The following PSMD3 variants were observed in gnomAD, a reference collection of about 807,000 sequenced individuals.
The protein encoded by PSMD3 is proteasome 26S subunit, non-ATPase 3, also known as 26S proteasome non-ATPase regulatory subunit 3.
In PSMD3, 5 loss-of-function variants were observed where a neutral mutation model predicts 62.8. The observed-to-expected ratio is 0.08, with a 90% CI of 0.04 to 0.17. The LOEUF is 0.17. PSMD3 is among the 10% of genes least tolerant of loss of function. The pLI is 1.00. For missense variants in PSMD3, 524 were observed against 713.6 expected, an observed-to-expected ratio of 0.73 and a Z score of 3.03; for synonymous variants, 265 against 283.9, an observed-to-expected ratio of 0.93 and a Z score of 0.67.
At chr17:39,987,155 C>T (rs1385889009) in intron 3 of PSMD3, among the ~76,000 whole-genome samples, 5 of 152,146 alleles carry the variant, frequency 3.3e-5, no homozygotes, top group African/African-American at 7.2e-5. Context: ...AGTAAGCTTT[C>T]GTGATATTTT....
chr17:39,981,337 C>T, intron 1 of PSMD3, 147 bp downstream of exon 1: 1 of 1,352,826 alleles, frequency 7.4e-7, no homozygotes, highest in South Asian at 1.4e-5. Flanking sequence ...TGCCCCGACA[C>T]TCCCGACTCC....
intron 6 of PSMD3, 134 bp downstream of exon 6, chr17:39,990,331 G>A (rs929894438): frequency 1.5e-5 from 11 of 743,816 alleles, no homozygotes; most frequent in African/African-American, 7.1e-5. Flanking sequence ...CCAAAGTGCT[G>A]GGATCACAGG....
At chr17:39,986,467 C>T in intron 2 of PSMD3, 108 bp from the exon 3 acceptor site, 3 of 1,350,710 alleles carry the variant, frequency 2.2e-6, no homozygotes, top group Non-Finnish European at 3.1e-6. Flanking sequence ...AATCTTGGCA[C>T]ATGGTAGACA....
In PSMD3 at chr17:39,984,248, GA is replaced by G. The variant is rs1177690603; in HGVS notation, c.221-45del. ...GAACTCCTTGCCTGGAGTGGTGGGG[GA>G]CTAGGAGTGAAAGTGACATCATTTT... On this transcript the variant is annotated intron_variant, in intron 1 of 11. Coordinates refer to ENST00000264639, the MANE Select transcript of PSMD3 (RefSeq NM_002809.4). The G allele has an allele frequency of 2.2e-6, 3 of 1,389,330 alleles. No homozygotes were observed. In the South Asian group the frequency reaches 3.9e-5, roughly 18 times the overall value. The allele number at this position is 1,389,330 out of a possible 1,614,324, so 86.1% of individuals were successfully genotyped here.
In PSMD3 at chr17:39,984,446, A is replaced by C. The variant is rs1980473343; in HGVS notation, c.373A>C (p.Asn125His). Residue 125 changes from asparagine (N) to histidine (H), a missense_variant, in exon 2 of 12, where the codon AAT becomes CAT. By Grantham distance (68) the Asn-to-His change is moderately conservative. Coordinates refer to ENST00000264639, the MANE Select transcript of PSMD3 (RefSeq NM_002809.4). ...KAVQGFFTSN[N>H]ATRDFLLPFL... ...TGTGCAGGGCTTCTTCACTTCAAAT[A>C]ATGCCACTCGAGACTTTTTGCTCCC... 1.9e-6 allele frequency: 3 copies of C among 1,612,822 alleles called. No homozygotes were observed. In the South Asian group the frequency reaches 3.3e-5, roughly 18 times the overall value.
chr17:39,997,252 G>C, intron 10 of PSMD3, 78 bp from the exon 11 acceptor site: 1 of 1,401,516 alleles, frequency 7.1e-7, no homozygotes, highest in Non-Finnish European at 1.0e-6. Flanking sequence ...TCACAGAGGG[G>C]ACGCAGGGAG....
In PSMD3 at chr17:39,996,320, C is replaced by G; in HGVS notation, c.1458C>G (p.Ile486Met). 6.2e-7 allele frequency: 1 copy of G among 1,613,978 alleles called. No homozygotes were observed. ...FHQRISFCLD[I>M]HNMSVKAMRF... Reference sequence around the variant, plus strand: ...AGCGCATCTCCTTCTGCCTAGATATCCACAACATGTCTGTCAAGGTGAGAA... The same window carrying G: ...AGCGCATCTCCTTCTGCCTAGATATGCACAACATGTCTGTCAAGGTGAGAA... Residue 486 changes from isoleucine to methionine, a missense_variant, in exon 10 of 12, where the codon ATC (isoleucine) becomes ATG (methionine). Ile to Met is a conservative substitution (Grantham distance 10). This residue lies in a region of PSMD3 where 76 missense variants were observed against 97.3 expected (regional missense o/e 0.78). Coordinates refer to ENST00000264639, the MANE Select transcript of PSMD3 (RefSeq NM_002809.4). The surrounding 1 kb of genome is among the most constrained non-coding windows in gnomAD (Gnocchi z 5.1).
In PSMD3 at chr17:39,996,350, G is replaced by T; in HGVS notation, c.1476+12G>T. 1 of 1,612,386 alleles carries T rather than the reference G, an allele frequency of 6.2e-7. No individual in the cohort carries two copies. Among genetic ancestry groups the T allele is most frequent in the Non-Finnish European group, 8.5e-7 (1 of 1,179,282 alleles). On this transcript the variant is annotated intron_variant, in intron 10 of 11. Coordinates refer to ENST00000264639, the MANE Select transcript of PSMD3 (RefSeq NM_002809.4). This position sits in a 1 kb window ranked among gnomAD's most constrained non-coding sequence, Gnocchi z 5.1. ...ACATGTCTGTCAAGGTGAGAAGCCCGTGGCTGCAGAGTCACGCCTGGCAGC... is the reference window on the plus strand; with the variant it reads ...ACATGTCTGTCAAGGTGAGAAGCCCTTGGCTGCAGAGTCACGCCTGGCAGC...
chr17:39,985,741 C>T (rs920027593), intron 2 of PSMD3, among the ~76,000 whole-genome samples: 6 of 152,208 alleles, frequency 3.9e-5, no homozygotes, highest in African/African-American at 1.4e-4. Flanking sequence ...GCTAAACTCA[C>T]GAAACGTGAT....
At chr17:39,986,509 G>A in intron 2 of PSMD3, 66 bp from the exon 3 acceptor site, 1 of 1,568,014 alleles carries the variant, frequency 6.4e-7, no homozygotes. Context: ...CATAGTGGAT[G>A]CTCAATAAAT....
At chr17:39,982,563 A>G (rs1333786641) in intron 1 of PSMD3, among the ~76,000 whole-genome samples, 1 of 152,278 alleles carries the variant, frequency 6.6e-6, no homozygotes, top group Non-Finnish European at 1.5e-5. Context: ...AATACCCAAT[A>G]TAATGGTTAA....
chr17:39,990,026 C>A, intron 5 of PSMD3, 68 bp from the exon 6 acceptor site: 1 of 1,592,350 alleles, frequency 6.3e-7, no homozygotes, highest in Non-Finnish European at 8.6e-7. Context: ...CATTTGGCAC[C>A]CTGGCTTGTC....
At chr17:39,984,647 G>A (rs768534766) in intron 2 of PSMD3, among the ~76,000 whole-genome samples, 163 bp downstream of exon 2, 2 of 152,118 alleles carry the variant, frequency 1.3e-5, no homozygotes, top group African/African-American at 2.4e-5. Flanking sequence ...CAAGGGAACC[G>A]TCCACTGCCC....
In PSMD3 at chr17:39,995,346, G is replaced by GCAAA; in HGVS notation, c.1216+53_1216+56dup. 1 of 1,613,964 alleles carries GCAAA rather than the reference G, an allele frequency of 6.2e-7. No individual in the cohort carries two copies. Among genetic ancestry groups the GCAAA allele is most frequent in the South Asian group, 1.1e-5 (1 of 91,070 alleles). ...TTGGAGGAGCAGAAGCCAGGCCAGG[G>GCAAA]CAAACCTAGTGGGTATCCTTGGGCA... is the stretch of plus-strand genomic sequence containing the variant. On this transcript the variant is annotated intron_variant, in intron 8 of 11. Transcript: ENST00000264639. This position sits in a 1 kb window ranked among gnomAD's most constrained non-coding sequence, Gnocchi z 4.1.
chr17:39,987,189 G>A (rs1311797128), intron 3 of PSMD3, among the ~76,000 whole-genome samples: 1 of 151,834 alleles, frequency 6.6e-6, no homozygotes, highest in African/African-American at 2.4e-5. Context: ...TGTTATTATG[G>A]ACTAATAGCT....
chr17:39,990,044 A>C (rs1322871365), intron 5 of PSMD3, 50 bp from the exon 6 acceptor site: 5 of 1,596,136 alleles, frequency 3.1e-6, no homozygotes. Context: ...GTCGGTGGGG[A>C]GTTGGATGAC....
intron 1 of PSMD3, among the ~76,000 whole-genome samples, chr17:39,982,447 ACAGTTTGTAT>A (rs1396306612): frequency 6.6e-6 from 1 of 152,270 alleles, no homozygotes; most frequent in African/African-American, 2.4e-5. Flanking sequence ...AGTTATGTAT[ACAGTTTGTAT>A]CAAGGCATAA....
At position 39,984,694 on chromosome 17, in the gene PSMD3, C is replaced by A. The variant is rs554214391; in HGVS notation, c.411+210C>A. Among the ~76,000 whole-genome samples the A allele has an allele frequency of 1.9e-3, 289 of 152,308 alleles. 1 individual carries two copies. The highest frequency in any genetic ancestry group is 6.7e-3 in the African/African-American group (277 of 41,562). ...TCTTCAAAGTCAGGGGATCAGGACC[C>A]TCCCAGCCAAACTCATTTCCCACTA... On this transcript the variant is annotated intron_variant, in intron 2 of 11. Coordinates refer to ENST00000264639, the MANE Select transcript of PSMD3 (RefSeq NM_002809.4).
chr17:39,980,866 A>C lies in PSMD3; in HGVS notation c.-105A>C. On this transcript the variant is annotated 5_prime_UTR_variant, in exon 1 of 12. Transcript: ENST00000264639. ...CTCCGTCATCGTGCGGCCCGACGCT[A>C]TCTCGCGCTCGTGTGCAGGCCCGGC... 2.9e-6 allele frequency: 3 copies of C among 1,027,692 alleles called. No homozygotes were observed. Among genetic ancestry groups the C allele is most frequent in the South Asian group, 1.7e-5 (1 of 57,962 alleles). The allele number at this position is 1,027,692 out of a possible 1,614,324, so 63.7% of individuals were successfully genotyped here.
Sources: gnomAD v4.1 joint callset for allele counts (sites outside exome capture counted in the v4.1 genomes callset) on GRCh38, gnomAD v4.1.1 for gene constraint, gnomAD v4.1.1 regional missense constraint, Gnocchi (gnomAD v3.1) non-coding constraint, MANE v1.5 for transcripts, NCBI Gene and HGNC (gene_info 2026-07-23, HGNC 2026-07-21) for gene names.